GABBR2: variants seen among roughly 807,000 people sequenced by gnomAD.
GABBR2 encodes the protein G-protein coupled receptor 51.
Under a neutral mutation model 105.6 loss-of-function variants are expected in GABBR2, and 23 were observed. The observed-to-expected ratio is 0.22, with a 90% CI of 0.16 to 0.31. The LOEUF is 0.31. GABBR2 is among the 10% of genes least tolerant of loss of function. The probability of loss-of-function intolerance (pLI) is 1.00; values close to 1 mark genes in which losing one functional copy is unlikely to be tolerated. For synonymous variants in GABBR2, 478 were observed against 499.7 expected (o/e 0.96, Z 0.58); for missense variants, 734 against 1,245.5 (o/e 0.59, Z 6.18).
At position 98,474,960 on chromosome 9, in the gene GABBR2, G is replaced by A. The variant is rs184268372; in HGVS notation, c.799-1614C>T. ...TCATTGGGGTACATGTGAGTTAAAA[G>A]ATTTGTTCCTTGACTTAAGCTCAGA... On this transcript the variant is annotated intron_variant, in intron 5 of 18. Transcript: ENST00000259455. 3.3e-5 allele frequency among the ~76,000 whole-genome samples: 5 copies of A among 152,186 alleles called. No homozygotes were observed. In the East Asian group the frequency reaches 9.6e-4, roughly 29 times the overall value.
chr9:98,361,378 C>T (rs895758893), intron 13 of GABBR2, among the ~76,000 whole-genome samples: 2 of 151,834 alleles, frequency 1.3e-5, no homozygotes, highest in Non-Finnish European at 2.9e-5. Context: ...CATCATCGCT[C>T]TTATCATCGT....
chr9:98,483,930 A>T (rs1826984381), intron 4 of GABBR2, among the ~76,000 whole-genome samples: 2 of 152,222 alleles, frequency 1.3e-5, no homozygotes, highest in South Asian at 4.1e-4. Flanking sequence ...AGCTCCCAGA[A>T]CAGGGCGCTA....
chr9:98,462,328 C>G (rs1953086), intron 6 of GABBR2, among the ~76,000 whole-genome samples: 2 of 152,028 alleles, frequency 1.3e-5, no homozygotes, highest in Middle Eastern at 6.8e-3. Context: ...TTAGGAATAT[C>G]TATTCATCAA....
rs112576333 is a variant in GABBR2, at chr9:98,641,000, C to T, written c.322-62928G>A. Among the ~76,000 whole-genome samples, 260 of 152,264 alleles carry T rather than the reference C, an allele frequency of 1.7e-3. 1 individual carries two copies. The highest frequency in any genetic ancestry group is 2.9e-3 in the Admixed American group (44 of 15,296). ...TCAGTGATTCTCAACCCTTAGCACA[C>T]GTAAGAAAAGCCTGGAGGCCTTACT... On this transcript the variant is annotated intron_variant, in intron 1 of 18. Coordinates refer to ENST00000259455, the MANE Select transcript of GABBR2 (RefSeq NM_005458.8).
At position 98,517,554 on chromosome 9, in the gene GABBR2, C is replaced by T. The variant is rs565497477; in HGVS notation, c.631-21040G>A. Among the ~76,000 whole-genome samples the T allele has an allele frequency of 1.9e-3, 292 of 152,268 alleles. 1 individual carries two copies. The highest frequency in any genetic ancestry group is 6.7e-3 in the African/African-American group (277 of 41,530). ...AGTGACTCAAAGACTTTAAGCTTTT[C>T]AAAATAATGTCTAAACTTCATTGTA... On this transcript the variant is annotated intron_variant, in intron 3 of 18. Transcript: ENST00000259455.
intron 13 of GABBR2, among the ~76,000 whole-genome samples, chr9:98,315,069 C>T (rs1172832811): frequency 5.3e-5 from 8 of 152,194 alleles, no homozygotes; most frequent in Non-Finnish European, 8.8e-5. Flanking sequence ...GCTGACATTC[C>T]AGCCTGGCTA....
chr9:98,598,899 T>C (rs964131485), intron 1 of GABBR2, among the ~76,000 whole-genome samples: 4 of 139,906 alleles, frequency 2.9e-5, no homozygotes, highest in African/African-American at 9.9e-5. Context: ...GTCCTCTATA[T>C]GGTTTTCACT....
intron 7 of GABBR2, among the ~76,000 whole-genome samples, chr9:98,420,076 G>A (rs969721755): frequency 6.6e-6 from 1 of 152,116 alleles, no homozygotes; most frequent in Non-Finnish European, 1.5e-5. Context: ...GGCTTGGAAG[G>A]TCTGGTATAG....
chr9:98,376,716 G>C (rs933817865), intron 11 of GABBR2, among the ~76,000 whole-genome samples: 1 of 152,098 alleles, frequency 6.6e-6, no homozygotes, highest in Non-Finnish European at 1.5e-5. Context: ...TCTTGCTCAG[G>C]GTCTTCTGGG....
intron 4 of GABBR2, among the ~76,000 whole-genome samples, chr9:98,493,331 T>C (rs1305408412): frequency 6.6e-6 from 1 of 152,170 alleles, no homozygotes; most frequent in Non-Finnish European, 1.5e-5. Context: ...CCTGGTTCCT[T>C]TTACTGGAGA....
chr9:98,517,903 G>A (rs11792734), intron 3 of GABBR2, among the ~76,000 whole-genome samples: 2 of 42,340 alleles, frequency 4.7e-5, no homozygotes, highest in African/African-American at 1.2e-4. Context: ...GGGAGTCAGA[G>A]GACCAGTGAG....
intron 7 of GABBR2, among the ~76,000 whole-genome samples, chr9:98,417,001 T>C (rs911768221): frequency 7.2e-4 from 109 of 152,290 alleles, no homozygotes; most frequent in African/African-American, 2.4e-3. Flanking sequence ...CCCCTGTTCA[T>C]GTCCTCTTTG....
At chr9:98,560,779 A>AGT (rs1303531170) in intron 2 of GABBR2, among the ~76,000 whole-genome samples, 20 of 38,612 alleles carry the variant, frequency 5.2e-4, no homozygotes, top group East Asian at 2.3e-3. Context: ...ACTATATAGT[A>AGT]GTGTATATAT....
rs1035651259 is a variant in GABBR2 at position 98,645,152 on chromosome 9, T to A, written c.321+63265A>T. On this transcript the variant is annotated intron_variant, in intron 1 of 18. Transcript: ENST00000259455. ...ACCCTTGTTGCCTACCTGTAGGGAA[T>A]AAACCACTTCATGTAATTTGTATGT... Among the ~76,000 whole-genome samples the A allele has an allele frequency of 3.9e-5, 6 of 152,132 alleles. No individual in the cohort carries two copies. The South Asian group carries it at 1.2e-3, about 31-fold the overall frequency.
chr9:98,685,729 G>A (rs577224772), intron 1 of GABBR2, among the ~76,000 whole-genome samples: 1 of 152,138 alleles, frequency 6.6e-6, no homozygotes, highest in Non-Finnish European at 1.5e-5. Context: ...ATCTCACTCT[G>A]TTGCCCAGGC....
chr9:98,371,066 C>G (rs147491579), intron 12 of GABBR2, among the ~76,000 whole-genome samples: 1 of 152,074 alleles, frequency 6.6e-6, no homozygotes, highest in Non-Finnish European at 1.5e-5. Flanking sequence ...CCCAGCCACA[C>G]CAAGCCTCTC....
intron 4 of GABBR2, among the ~76,000 whole-genome samples, chr9:98,488,009 TGATACAGTGTGG>T (rs1200511477): frequency 2.0e-5 from 3 of 152,126 alleles, no homozygotes; most frequent in Non-Finnish European, 4.4e-5. Flanking sequence ...GCAGAGACAG[TGATACAGTGTGG>T]GAAAGGCTCC....
intron 7 of GABBR2, among the ~76,000 whole-genome samples, chr9:98,409,159 G>A (rs1832541638): frequency 6.6e-6 from 1 of 152,240 alleles, no homozygotes; most frequent in South Asian, 2.1e-4. Flanking sequence ...TTGTGGCTGG[G>A]CGGTGGCAGA....
At chr9:98,616,689 G>A (rs1279603764) in intron 1 of GABBR2, among the ~76,000 whole-genome samples, 2 of 151,910 alleles carry the variant, frequency 1.3e-5, no homozygotes, top group African/African-American at 2.4e-5. Flanking sequence ...AGGAGGAGGA[G>A]GTGGCAGTAG....
Sources: allele counts gnomAD v4.1 joint callset (sites outside exome capture counted in the v4.1 genomes callset), GRCh38; gene constraint gnomAD v4.1.1; transcripts MANE v1.5; gene names NCBI Gene and HGNC (gene_info 2026-07-23, HGNC 2026-07-21).